The following DHTKD1 variants were observed in gnomAD, a reference collection of about 807,000 sequenced individuals.
DHTKD1 encodes dehydrogenase E1 and transketolase domain containing 1.
Under a neutral mutation model 101.8 loss-of-function variants are expected in DHTKD1, and 78 were observed. The ratio of observed to expected loss-of-function variants is 0.77; its 90% CI spans 0.64 to 0.93. The LOEUF is 0.93. Ranked by LOEUF, DHTKD1 falls within the 40% of genes least tolerant of loss-of-function variation. The probability of loss-of-function intolerance (pLI) is 0.00; values close to 1 mark genes in which losing one functional copy is unlikely to be tolerated. For missense variants in DHTKD1, 1,223 were observed against 1,161.7 expected, an observed-to-expected ratio of 1.05 and a Z score of -0.77; for synonymous variants, 462 against 450.3, an observed-to-expected ratio of 1.03 and a Z score of -0.33.
chr10:12,098,898 C>T (rs958390358), intron 8 of DHTKD1, among the ~76,000 whole-genome samples: 4 of 152,150 alleles, frequency 2.6e-5, no homozygotes, highest in South Asian at 2.1e-4. Context: ...TGGCCAGGCA[C>T]GGTGGCTCCT....
chr10:12,087,832 C>T lies in DHTKD1; in HGVS notation c.717+103C>T. On this transcript the variant is annotated intron_variant, in intron 4 of 16. Transcript: ENST00000263035. This position sits in a 1 kb window ranked among gnomAD's most constrained non-coding sequence, Gnocchi z 5.2. ...TGATAAATGATGGTGATGGTGATGG[C>T]CGGGCACTGTGGCTCACACCTGCAA... 4 of 1,085,902 alleles carry T rather than the reference C, an allele frequency of 3.7e-6. No individual in the cohort carries two copies. Among genetic ancestry groups the T allele is most frequent in the Non-Finnish European group, 3.8e-6 (3 of 787,078 alleles). The allele number at this position is 1,085,902 out of a possible 1,614,324, so 67.3% of individuals were successfully genotyped here.
At position 12,110,976 on chromosome 10, in the gene DHTKD1, G is replaced by T. The variant is rs1363466403; in HGVS notation, c.2155-1924G>T. Among the ~76,000 whole-genome samples, 3 of 151,048 alleles carry T rather than the reference G, an allele frequency of 2.0e-5. No individual in the cohort carries two copies. The highest frequency in any genetic ancestry group is 7.3e-5 in the African/African-American group (3 of 41,098). ...TGGGAGGATCACTTGAGCCTGGGAG[G>T]CGGAGGTTGTAGTGAGCTGAGGTTG... On this transcript the variant is annotated intron_variant, in intron 12 of 16. Coordinates refer to ENST00000263035, the MANE Select transcript of DHTKD1 (RefSeq NM_018706.7). The surrounding 1 kb of genome is among the most constrained non-coding windows in gnomAD (Gnocchi z 4.9).
chr10:12,085,240 G>T (rs1386114064), intron 3 of DHTKD1, among the ~76,000 whole-genome samples: 1 of 152,086 alleles, frequency 6.6e-6, no homozygotes, highest in Non-Finnish European at 1.5e-5. Context: ...AACCTGGGAG[G>T]TGGAGGCTGC....
intron 1 of DHTKD1, among the ~76,000 whole-genome samples, chr10:12,073,847 A>G (rs961787745): frequency 1.3e-5 from 2 of 152,200 alleles, no homozygotes; most frequent in Non-Finnish European, 2.9e-5. Context: ...AAAAGCTTTT[A>G]TCATGAAGCA....
chr10:12,095,869 C>G (rs1203879458), intron 7 of DHTKD1, among the ~76,000 whole-genome samples: 2 of 145,860 alleles, frequency 1.4e-5, no homozygotes, highest in Non-Finnish European at 3.0e-5. Context: ...AATTAGCTGG[C>G]GTTGTGGCGC....
intron 11 of DHTKD1, among the ~76,000 whole-genome samples, 157 bp downstream of exon 11, chr10:12,106,553 TGGCCACTGTCA>T (rs1833251159): frequency 6.6e-6 from 1 of 152,098 alleles, no homozygotes; most frequent in African/African-American, 2.4e-5. Flanking sequence ...GACGGGAGTG[TGGCCACTGTCA>T]GGTTAATGTG....
intron 1 of DHTKD1, among the ~76,000 whole-genome samples, chr10:12,078,594 G>C (rs1588602552): frequency 6.6e-6 from 1 of 152,194 alleles, no homozygotes; most frequent in Non-Finnish European, 1.5e-5. Flanking sequence ...CTGGGTGACA[G>C]AGTGAGACTC....
rs1303908235 is a variant in DHTKD1 at position 12,087,950 on chromosome 10, A to G, written c.717+221A>G. Reference sequence around the variant, plus strand: ...AACAAAGTGAGACTTTGTCTCTACCAAAAATAAAATAAGTTAGCCAAGCAT... The same window carrying G: ...AACAAAGTGAGACTTTGTCTCTACCGAAAATAAAATAAGTTAGCCAAGCAT... On this transcript the variant is annotated intron_variant, in intron 4 of 16. Coordinates refer to ENST00000263035, the MANE Select transcript of DHTKD1 (RefSeq NM_018706.7). The surrounding 1 kb of genome is among the most constrained non-coding windows in gnomAD (Gnocchi z 5.2). 6.6e-6 allele frequency among the ~76,000 whole-genome samples: 1 copy of G among 152,036 alleles called. No homozygotes were observed. The highest frequency in any genetic ancestry group is 1.5e-5 in the Non-Finnish European group (1 of 67,994).
rs750923620 is a variant in DHTKD1 at position 12,097,723 on chromosome 10, C to T, written c.1398C>T (p.Leu466=). 2 of 1,613,930 alleles carry T rather than the reference C, an allele frequency of 1.2e-6. No individual in the cohort carries two copies. Among genetic ancestry groups the T allele is most frequent in the Non-Finnish European group, 1.7e-6 (2 of 1,179,940 alleles). ...TTCCAGACACATATGCAGAGCACCT[C>T]ATTGCTGGCGGACTCATGACGCAGG... ...KSIPDTYAEH[L]IAGGLMTQEE... The change falls in exon 8 of 17, where the codon CTC becomes CTT. Residue 466 remains leucine, a synonymous_variant. Transcript: ENST00000263035.
chr10:12,071,745 C>G (rs956240198), intron 1 of DHTKD1, among the ~76,000 whole-genome samples: 15 of 152,086 alleles, frequency 9.9e-5, no homozygotes, highest in African/African-American at 3.4e-4. Context: ...CCAGGCTGGT[C>G]TCGAACTCCT....
chr10:12,072,682 A>G (rs1306638450), intron 1 of DHTKD1, among the ~76,000 whole-genome samples: 4 of 151,628 alleles, frequency 2.6e-5, no homozygotes, highest in East Asian at 3.9e-4. Flanking sequence ...TTATTTATCA[A>G]CAATGCCAAT....
rs1588608009 is a variant in DHTKD1, at chr10:12,088,852, T to C, written c.718-134T>C. ...TTCCCGTCTCAGCCTCCCAAAGTGCTGGAATTACAGGCATAAGCCACCACT... is the reference window on the plus strand; with the variant it reads ...TTCCCGTCTCAGCCTCCCAAAGTGCCGGAATTACAGGCATAAGCCACCACT... On this transcript the variant is annotated intron_variant, in intron 4 of 16. Transcript: ENST00000263035. The C allele has an allele frequency of 1.2e-5, 10 of 802,654 alleles. No homozygotes were observed. The East Asian group carries it at 2.5e-4, about 20-fold the overall frequency. The allele number at this position is 802,654 out of a possible 1,614,324, so 49.7% of individuals were successfully genotyped here.
At chr10:12,086,841 C>A (rs1353959094) in intron 3 of DHTKD1, among the ~76,000 whole-genome samples, 1 of 152,098 alleles carries the variant, frequency 6.6e-6, no homozygotes, top group Non-Finnish European at 1.5e-5. Flanking sequence ...CAGGTGCACA[C>A]CACCACACCC....
Position 12,097,692 on chromosome 10 carries a change from A to G in DHTKD1, c.1367A>G (p.Lys456Arg), listed in dbSNP as rs773119068. ...TTCTCTTTCTTGGGCAGAGCTCGAA[A>G]GAGCATTCCAGACACATATGCAGAG... is the stretch of plus-strand genomic sequence containing the variant. ...PIMYKIIRAR[K>R]SIPDTYAEHL... is the part of the protein sequence containing the mutation. Residue 456 changes from lysine (K) to arginine (R), a missense_variant, in exon 8 of 17, where the codon AAG becomes AGG. Transcript: ENST00000263035. 1 of 1,610,136 alleles carries G rather than the reference A, an allele frequency of 6.2e-7. No individual in the cohort carries two copies. The highest frequency in any genetic ancestry group is 2.2e-5 in the East Asian group (1 of 44,874).
chr10:12,116,701 C>CTT (rs1160066902), intron 13 of DHTKD1, among the ~76,000 whole-genome samples: 3 of 142,444 alleles, frequency 2.1e-5, no homozygotes, highest in African/African-American at 7.7e-5. Flanking sequence ...TTTTTCTTTT[C>CTT]TTTTTTTTTT....
chr10:12,085,962 AT>A (rs939156746), intron 3 of DHTKD1, among the ~76,000 whole-genome samples: 2 of 151,958 alleles, frequency 1.3e-5, no homozygotes, highest in Admixed American at 6.6e-5. Context: ...TTTTATTTTT[AT>A]TTTTTTGAGA....
chr10:12,102,440 A>AG (rs1833186910), intron 10 of DHTKD1, among the ~76,000 whole-genome samples: 1 of 151,584 alleles, frequency 6.6e-6, no homozygotes, highest in South Asian at 2.1e-4. Context: ...AAAAAAAAAA[A>AG]AGAAAATTCA....
At chr10:12,071,234 C>T (rs1337415355) in intron 1 of DHTKD1, among the ~76,000 whole-genome samples, 4 of 152,170 alleles carry the variant, frequency 2.6e-5, no homozygotes, top group Admixed American at 6.6e-5. Flanking sequence ...ATTGCTGCTA[C>T]GTTCCCATTG....
chr10:12,093,398 C>T (rs1470435004), intron 6 of DHTKD1, among the ~76,000 whole-genome samples: 3 of 152,176 alleles, frequency 2.0e-5, no homozygotes, highest in African/African-American at 7.2e-5. Context: ...GTTGCCCAGG[C>T]TGGTCTTGAA....
Sources: allele counts gnomAD v4.1 joint callset (sites outside exome capture counted in the v4.1 genomes callset), GRCh38; gene constraint gnomAD v4.1.1; non-coding constraint Gnocchi (gnomAD v3.1); transcripts MANE v1.5; gene names NCBI Gene and HGNC (gene_info 2026-07-23, HGNC 2026-07-21).